Variants in ARHGAP31 observed in about 807,000 individuals in gnomAD.
ARHGAP31 encodes rho GTPase-activating protein 31.
In ARHGAP31, 34 loss-of-function variants were observed where a neutral mutation model predicts 113.9. That is an observed-to-expected ratio of 0.30 (90% CI 0.23 to 0.40). The LOEUF (loss-of-function observed/expected upper bound fraction) is 0.40, where lower values mean the gene tolerates loss of function less well. ARHGAP31 is among the 10% of genes least tolerant of loss of function. The pLI, the probability that ARHGAP31 is intolerant of heterozygous loss-of-function variation, is 1.00. For missense variants in ARHGAP31, 1,548 were observed against 1,767.1 expected, an observed-to-expected ratio of 0.88 and a Z score of 2.22; for synonymous variants, 650 against 684.8, an observed-to-expected ratio of 0.95 and a Z score of 0.79.
rs555671688 is a variant in ARHGAP31 at position 119,371,476 on chromosome 3, A to G, written c.348+2960A>G. 1.9e-4 allele frequency among the ~76,000 whole-genome samples: 29 copies of G among 152,302 alleles called. No homozygotes were observed. The South Asian group carries it at 2.5e-3, about 13-fold the overall frequency. On this transcript the variant is annotated intron_variant, in intron 3 of 11. Transcript: ENST00000264245. Reference sequence around the variant, plus strand: ...TTTGTTATGACAACTAACTCTATATACATAGGATCTAGTGAAGTTAACTAT... The same window carrying G: ...TTTGTTATGACAACTAACTCTATATGCATAGGATCTAGTGAAGTTAACTAT...
intron 7 of ARHGAP31, among the ~76,000 whole-genome samples, chr3:119,391,693 G>A (rs995928977): frequency 6.7e-6 from 1 of 149,656 alleles, no homozygotes; most frequent in Non-Finnish European, 1.5e-5. Flanking sequence ...GGGGCTGAAA[G>A]GCAACCTTTC....
chr3:119,404,940 C>T (rs2107642297), intron 10 of ARHGAP31, among the ~76,000 whole-genome samples: 1 of 152,304 alleles, frequency 6.6e-6, no homozygotes, highest in African/African-American at 2.4e-5. Flanking sequence ...GAAGGATGAG[C>T]TTATGGGCTG....
intron 1 of ARHGAP31, among the ~76,000 whole-genome samples, chr3:119,315,156 C>T (rs142927930): frequency 1.1e-4 from 17 of 152,324 alleles, no homozygotes; most frequent in African/African-American, 3.6e-4. Context: ...CTTTTCTCTT[C>T]TGTGTATACT....
Position 119,402,075 on chromosome 3 carries a change from G to T in ARHGAP31, c.1323G>T (p.Pro441=). 6.2e-7 allele frequency: 1 copy of T among 1,614,202 alleles called. No homozygotes were observed. Among genetic ancestry groups the T allele is most frequent in the Non-Finnish European group, 8.5e-7 (1 of 1,180,030 alleles). ...AGGTTTTCCGGCCTGTTGAGGATCC[G>T]GAGAGCGAGCAAACAGCCCCAAAGA... ...QLKVFRPVED[P]ESEQTAPKML... The change falls in exon 10 of 12, where the codon CCG becomes CCT. Residue 441 remains proline, a synonymous_variant. Coordinates refer to ENST00000264245, the MANE Select transcript of ARHGAP31 (RefSeq NM_020754.4).
chr3:119,326,297 A>T (rs987617454), intron 1 of ARHGAP31, among the ~76,000 whole-genome samples: 1 of 152,170 alleles, frequency 6.6e-6, no homozygotes, highest in Non-Finnish European at 1.5e-5. Flanking sequence ...TTTTGTGTGC[A>T]TTTTCAATCA....
intron 10 of ARHGAP31, among the ~76,000 whole-genome samples, chr3:119,406,450 C>A (rs538820021): frequency 6.6e-6 from 1 of 152,198 alleles, no homozygotes; most frequent in Non-Finnish European, 1.5e-5. Flanking sequence ...GATGTTTGCA[C>A]GTCATGGCAT....
chr3:119,384,928 C>CTTT (rs113212997), intron 6 of ARHGAP31, among the ~76,000 whole-genome samples: 3 of 141,668 alleles, frequency 2.1e-5, no homozygotes, highest in African/African-American at 7.8e-5. Context: ...TCTTTGGTGA[C>CTTT]TTTTTTTTTT....
In ARHGAP31 at chr3:119,401,901, C is replaced by T; in HGVS notation, c.1149C>T (p.Thr383=). Residue 383 remains threonine (T), a synonymous_variant, in exon 10 of 12, where the codon ACC becomes ACT. Coordinates refer to ENST00000264245, the MANE Select transcript of ARHGAP31 (RefSeq NM_020754.4). ...FFIPATKMHS[T]GTGSSCDLTK... ...TTCCAGCAACAAAGATGCACTCCAC[C>T]GGCACCGGCAGCTCATGTGACCTCA... 1 of 1,614,030 alleles carries T rather than the reference C, an allele frequency of 6.2e-7. No homozygotes were observed. Among genetic ancestry groups the T allele is most frequent in the Non-Finnish European group, 8.5e-7 (1 of 1,179,998 alleles).
intron 6 of ARHGAP31, 106 bp from the exon 7 acceptor site, chr3:119,390,679 C>T (rs2080495724): frequency 7.1e-6 from 9 of 1,259,474 alleles, no homozygotes; most frequent in Middle Eastern, 5.3e-4. Context: ...GGGTGGCACT[C>T]AGCCCCCATC....
chr3:119,343,135 A>G (rs545768642), intron 1 of ARHGAP31, among the ~76,000 whole-genome samples: 2 of 152,330 alleles, frequency 1.3e-5, no homozygotes, highest in East Asian at 3.9e-4. Context: ...TGTAGACCTT[A>G]GAATGACACA....
chr3:119,321,760 T>C (rs1265362302), intron 1 of ARHGAP31, among the ~76,000 whole-genome samples: 1 of 152,196 alleles, frequency 6.6e-6, no homozygotes, highest in Non-Finnish European at 1.5e-5. Context: ...GTGATTTTCC[T>C]GCTTCAGCCT....
intron 1 of ARHGAP31, among the ~76,000 whole-genome samples, chr3:119,347,348 G>A (rs2080069356): frequency 6.6e-6 from 1 of 152,172 alleles, no homozygotes; most frequent in South Asian, 2.1e-4. Context: ...ACAGAATAGA[G>A]GAAAGGCAGA....
At chr3:119,335,665 GA>G (rs1298392967) in intron 1 of ARHGAP31, among the ~76,000 whole-genome samples, 1 of 152,228 alleles carries the variant, frequency 6.6e-6, no homozygotes, top group East Asian at 1.9e-4. Context: ...TCTGCACTCT[GA>G]GGAGGAGGGG....
chr3:119,344,315 G>A lies in ARHGAP31; in HGVS notation c.101-21001G>A, dbSNP rs141155538. 3.7e-3 allele frequency among the ~76,000 whole-genome samples: 558 copies of A among 152,220 alleles called. 6 individuals carry two copies. Among genetic ancestry groups the A allele is most frequent in the African/African-American group, 0.013 (524 of 41,536 alleles). On this transcript the variant is annotated intron_variant, in intron 1 of 11. Transcript: ENST00000264245. ...CATCCACCATTTTCCCCGTGTTTCC[G>A]TCTGAAACCAGATAGGACACAGTAT...
chr3:119,392,575 C>G (rs1559990809), intron 7 of ARHGAP31, among the ~76,000 whole-genome samples: 1 of 152,236 alleles, frequency 6.6e-6, no homozygotes, highest in Non-Finnish European at 1.5e-5. Flanking sequence ...TTCATACATT[C>G]CAATGGCTGG....
intron 1 of ARHGAP31, among the ~76,000 whole-genome samples, chr3:119,311,959 G>A (rs1290034139): frequency 1.3e-5 from 2 of 152,110 alleles, no homozygotes; most frequent in African/African-American, 4.8e-5. Flanking sequence ...AAGGTAGAGT[G>A]GTAAAAACAG....
rs1439113780 is a variant in ARHGAP31 at position 119,402,413 on chromosome 3, A to G, written c.1645+16A>G. On this transcript the variant is annotated intron_variant, in intron 10 of 11. Coordinates refer to ENST00000264245, the MANE Select transcript of ARHGAP31 (RefSeq NM_020754.4). ...ACTTCTGCAGGTAAGTAGAGGAGAG[A>G]GGGTATCTTTCCGTTGCAAGAGAGA... 3.1e-6 allele frequency: 5 copies of G among 1,610,094 alleles called. No individual in the cohort carries two copies. Among genetic ancestry groups the G allele is most frequent in the Non-Finnish European group, 4.2e-6 (5 of 1,177,460 alleles).
chr3:119,409,378 G>C, intron 10 of ARHGAP31, 118 bp from the exon 11 acceptor site: 16 of 1,220,166 alleles, frequency 1.3e-5, no homozygotes, highest in Middle Eastern at 2.4e-4. Context: ...GCGGTGAGCT[G>C]AGGGAATTCC....
intron 6 of ARHGAP31, among the ~76,000 whole-genome samples, chr3:119,388,241 A>G (rs1366746091): frequency 1.3e-5 from 2 of 150,838 alleles, no homozygotes; most frequent in Non-Finnish European, 2.9e-5. Flanking sequence ...TTTTTTTTAT[A>G]TATTTGCTAT....
Sources: gnomAD v4.1 joint callset for allele counts (sites outside exome capture counted in the v4.1 genomes callset) on GRCh38, gnomAD v4.1.1 for gene constraint, MANE v1.5 for transcripts, NCBI Gene and HGNC (gene_info 2026-07-23, HGNC 2026-07-21) for gene names.